PARD3B: variants seen among roughly 807,000 people sequenced by gnomAD.
The protein encoded by PARD3B is par-3 family cell polarity regulator beta, also known as partitioning defective 3 homolog B.
PARD3B carries 103 observed loss-of-function variants against 130.2 expected under a neutral mutation model. The observed-to-expected ratio is 0.79, with a 90% CI of 0.67 to 0.93. PARD3B has a LOEUF of 0.93. Ranked by LOEUF, PARD3B falls within the 40% of genes least tolerant of loss-of-function variation. PARD3B has a pLI of 0.00. For synonymous variants in PARD3B, 583 were observed against 553.2 expected (o/e 1.05, Z -0.76); for missense variants, 1,609 against 1,499.2 (o/e 1.07, Z -1.21).
At chr2:204,659,589 T>G (rs113248988) in intron 1 of PARD3B, among the ~76,000 whole-genome samples, 306 of 152,268 alleles carry the variant, frequency 2.0e-3, no homozygotes, top group African/African-American at 6.8e-3. Flanking sequence ...TTTGAAAGAT[T>G]ACATGTTTCC....
At chr2:204,833,483 T>A (rs745737293) in intron 2 of PARD3B, among the ~76,000 whole-genome samples, 1 of 152,070 alleles carries the variant, frequency 6.6e-6, no homozygotes, top group Admixed American at 6.6e-5. Flanking sequence ...ATGGTTTGGC[T>A]GTGTCCCCAC....
At chr2:205,574,029 G>C (rs540865781) in intron 22 of PARD3B, among the ~76,000 whole-genome samples, 1 of 152,272 alleles carries the variant, frequency 6.6e-6, no homozygotes, top group South Asian at 2.1e-4. Context: ...GGTGTTGACA[G>C]CTTCACCGCA....
chr2:205,605,132 T>A (rs760138061), intron 22 of PARD3B, among the ~76,000 whole-genome samples: 4 of 152,214 alleles, frequency 2.6e-5, no homozygotes, highest in Non-Finnish European at 1.5e-5. Context: ...GTTCTTAGCT[T>A]CTTTGCATTG....
intron 1 of PARD3B, among the ~76,000 whole-genome samples, chr2:204,655,218 C>T (rs1220879750): frequency 6.6e-6 from 1 of 152,170 alleles, no homozygotes; most frequent in Non-Finnish European, 1.5e-5. Flanking sequence ...TTGGAAAACT[C>T]TGTCCATTTT....
chr2:204,863,315 C>T (rs1027209817), intron 2 of PARD3B, among the ~76,000 whole-genome samples: 1 of 152,164 alleles, frequency 6.6e-6, no homozygotes, highest in African/African-American at 2.4e-5. Context: ...GCCTCATCCT[C>T]CACTGGAGCG....
At chr2:204,546,593 G>C (rs1197314652) in intron 1 of PARD3B, among the ~76,000 whole-genome samples, 1 of 152,144 alleles carries the variant, frequency 6.6e-6, no homozygotes, top group East Asian at 1.9e-4. Context: ...ATACTCGGAA[G>C]TTACAACTGA....
In PARD3B at chr2:205,281,380, T is replaced by C. The variant is rs2041182671; in HGVS notation, c.2186-19150T>C. ...CAACTCGAGTGACCCATCTTGTAGGTCCCACACTGCCTAAGTCATTTTCTG... is the reference window on the plus strand; with the variant it reads ...CAACTCGAGTGACCCATCTTGTAGGCCCCACACTGCCTAAGTCATTTTCTG... On this transcript the variant is annotated intron_variant, in intron 16 of 22. Transcript: ENST00000406610. The surrounding 1 kb of genome is among the most constrained non-coding windows in gnomAD (Gnocchi z 4.2). Among the ~76,000 whole-genome samples the C allele has an allele frequency of 6.6e-6, 1 of 152,120 alleles. No homozygotes were observed. Among genetic ancestry groups the C allele is most frequent in the Admixed American group, 6.5e-5 (1 of 15,272 alleles).
At chr2:205,331,078 C>G (rs1377030271) in intron 18 of PARD3B, among the ~76,000 whole-genome samples, 1 of 152,120 alleles carries the variant, frequency 6.6e-6, no homozygotes, top group East Asian at 1.9e-4. Flanking sequence ...AAGGCAGCCT[C>G]CCTCCACGCC....
rs954934047 is a variant in PARD3B at position 205,280,601 on chromosome 2, G to A, written c.2186-19929G>A. Among the ~76,000 whole-genome samples, 2 of 152,200 alleles carry A rather than the reference G, an allele frequency of 1.3e-5. No homozygotes were observed. Among genetic ancestry groups the A allele is most frequent in the Non-Finnish European group, 2.9e-5 (2 of 68,028 alleles). On this transcript the variant is annotated intron_variant, in intron 16 of 22. Coordinates refer to ENST00000406610, the MANE Select transcript of PARD3B (RefSeq NM_001302769.2). The surrounding 1 kb of genome is among the most constrained non-coding windows in gnomAD (Gnocchi z 4.7). ...ATGTCAGTTTTGTAAATAAGTATCTGTTGTCTCCCCAGATCAAGCTGTGTT... is the reference window on the plus strand; with the variant it reads ...ATGTCAGTTTTGTAAATAAGTATCTATTGTCTCCCCAGATCAAGCTGTGTT...
intron 22 of PARD3B, among the ~76,000 whole-genome samples, chr2:205,580,333 C>T (rs188406761): frequency 1.3e-5 from 2 of 152,196 alleles, no homozygotes; most frequent in East Asian, 3.9e-4. Context: ...CAGCAGAGGG[C>T]CCCTGGAAGG....
At chr2:204,660,014 A>T (rs760624583) in intron 1 of PARD3B, among the ~76,000 whole-genome samples, 8 of 152,244 alleles carry the variant, frequency 5.3e-5, no homozygotes, top group Middle Eastern at 3.4e-3. Flanking sequence ...TCAGAGGAAA[A>T]CACCCCTACA....
At chr2:205,545,391 G>C (rs1377593631) in intron 21 of PARD3B, among the ~76,000 whole-genome samples, 1 of 152,204 alleles carries the variant, frequency 6.6e-6, no homozygotes, top group Non-Finnish European at 1.5e-5. Context: ...AATGGAATTA[G>C]AAGAAAGCTT....
intron 20 of PARD3B, among the ~76,000 whole-genome samples, chr2:205,445,709 G>A (rs1473461117): frequency 2.0e-5 from 3 of 152,146 alleles, no homozygotes; most frequent in Non-Finnish European, 4.4e-5. Context: ...AAGGAAATTA[G>A]TACCTGGATA....
chr2:205,513,334 A>G (rs1206563208), intron 21 of PARD3B, among the ~76,000 whole-genome samples: 2 of 152,008 alleles, frequency 1.3e-5, no homozygotes, highest in Non-Finnish European at 2.9e-5. Flanking sequence ...TCTCCTTTCT[A>G]TGTATGGATA....
At chr2:204,978,612 A>G (rs1220954804) in intron 3 of PARD3B, among the ~76,000 whole-genome samples, 1 of 152,192 alleles carries the variant, frequency 6.6e-6, no homozygotes, top group Non-Finnish European at 1.5e-5. Context: ...TTCAGCTTGC[A>G]AAAGTGGATT....
At chr2:204,893,076 A>G (rs1273871844) in intron 2 of PARD3B, among the ~76,000 whole-genome samples, 1 of 152,192 alleles carries the variant, frequency 6.6e-6, no homozygotes, top group African/African-American at 2.4e-5. Context: ...AGGACATTCC[A>G]GTATCTATGT....
At chr2:205,497,849 A>G (rs1575167665) in intron 20 of PARD3B, among the ~76,000 whole-genome samples, 1 of 152,090 alleles carries the variant, frequency 6.6e-6, no homozygotes, top group Admixed American at 6.6e-5. Flanking sequence ...TGTAAGTGAT[A>G]TGCTTCTGTC....
intron 1 of PARD3B, among the ~76,000 whole-genome samples, chr2:204,654,346 C>T (rs1337469607): frequency 6.6e-6 from 1 of 151,266 alleles, no homozygotes; most frequent in African/African-American, 2.5e-5. Context: ...GAACCATAAA[C>T]ATGAGGATTT....
In PARD3B at chr2:204,799,197, C is replaced by T. The variant is rs1360454980; in HGVS notation, c.222+112915C>T. Among the ~76,000 whole-genome samples, 1 of 152,050 alleles carries T rather than the reference C, an allele frequency of 6.6e-6. No individual in the cohort carries two copies. Among genetic ancestry groups the T allele is most frequent in the Non-Finnish European group, 1.5e-5 (1 of 68,012 alleles). The stretch of plus-strand genomic sequence containing the variant: ...ATTCACCACAAGCTGCCTGAAAAGC[C>T]CATGGGCCTCGAGGGAACATCTGCA... On this transcript the variant is annotated intron_variant, in intron 2 of 22. Coordinates refer to ENST00000406610, the MANE Select transcript of PARD3B (RefSeq NM_001302769.2). This position sits in a 1 kb window ranked among gnomAD's most constrained non-coding sequence, Gnocchi z 4.1.
Sources: allele counts gnomAD v4.1 joint callset (sites outside exome capture counted in the v4.1 genomes callset), GRCh38; gene constraint gnomAD v4.1.1; non-coding constraint Gnocchi (gnomAD v3.1); transcripts MANE v1.5; gene names NCBI Gene and HGNC (gene_info 2026-07-23, HGNC 2026-07-21).